The following SV2B variants were observed in gnomAD, a reference collection of about 807,000 sequenced individuals.
The protein encoded by SV2B is solute carrier family 22 member B2.
In SV2B, 41 loss-of-function variants were observed where a neutral mutation model predicts 73.9. That is an observed-to-expected ratio of 0.56 (90% CI 0.43 to 0.72). The LOEUF (loss-of-function observed/expected upper bound fraction) is 0.72. Among genes scored for constraint, SV2B ranks in the 30% least tolerant of loss-of-function variants. SV2B has a pLI of 0.00. For synonymous variants in SV2B, 314 were observed against 314.2 expected, an observed-to-expected ratio of 1.00 and a Z score of 0.01; for missense variants, 764 against 857.8, an observed-to-expected ratio of 0.89 and a Z score of 1.37.
intron 1 of SV2B, among the ~76,000 whole-genome samples, chr15:91,192,194 A>G (rs1353174423): frequency 6.6e-6 from 1 of 152,174 alleles, no homozygotes; most frequent in Non-Finnish European, 1.5e-5. Context: ...GCAGGAAGGA[A>G]TTTATTTTCT....
chr15:91,219,734 C>T (rs2046154403), intron 1 of SV2B, among the ~76,000 whole-genome samples: 1 of 152,110 alleles, frequency 6.6e-6, no homozygotes, highest in Non-Finnish European at 1.5e-5. Context: ...AGGACATTCC[C>T]ATCAACACCC....
intron 1 of SV2B, among the ~76,000 whole-genome samples, chr15:91,199,141 A>T (rs2045369317): frequency 6.6e-6 from 1 of 152,150 alleles, no homozygotes; most frequent in African/African-American, 2.4e-5. Flanking sequence ...ATGGGATTCT[A>T]GGTGTGTGCT....
Position 91,191,284 on chromosome 15 carries a change from T to C in SV2B, c.-391-34589T>C, listed in dbSNP as rs546176698. ...AAAAACTCCCTCTTTGATCAAACTTTGTACAGGCTCCTAGTAATCTTCTTC... is the reference window on the plus strand; with the variant it reads ...AAAAACTCCCTCTTTGATCAAACTTCGTACAGGCTCCTAGTAATCTTCTTC... On this transcript the variant is annotated intron_variant, in intron 1 of 12. Transcript: ENST00000394232. Among the ~76,000 whole-genome samples, 3 of 152,182 alleles carry C rather than the reference T, an allele frequency of 2.0e-5. No homozygotes were observed. In the East Asian group the frequency reaches 5.8e-4, roughly 29 times the overall value.
chr15:91,117,756 T>C (rs1424689977), intron 1 of SV2B, among the ~76,000 whole-genome samples: 1 of 152,208 alleles, frequency 6.6e-6, no homozygotes, highest in East Asian at 1.9e-4. Flanking sequence ...AAGTATACTC[T>C]TCTCACAGTA....
At chr15:91,156,425 C>T (rs549321489) in intron 1 of SV2B, among the ~76,000 whole-genome samples, 2 of 152,068 alleles carry the variant, frequency 1.3e-5, no homozygotes, top group Admixed American at 1.3e-4. Flanking sequence ...CTCAGCCAAC[C>T]GAAAACATTT....
chr15:91,274,365 T>G (rs2048414313), intron 9 of SV2B, among the ~76,000 whole-genome samples: 1 of 152,236 alleles, frequency 6.6e-6, no homozygotes, highest in African/African-American at 2.4e-5. Context: ...TTCTTTTCCT[T>G]AAAGGAAACT....
rs551179859 is a variant in SV2B at position 91,193,177 on chromosome 15, G to A, written c.-391-32696G>A. ...TCAGGGATTCAGGAGAGGTGAGCCT[G>A]AGATGGCAGCAAGACGTAAGGGAGC... On this transcript the variant is annotated intron_variant, in intron 1 of 12. Transcript: ENST00000394232. Among the ~76,000 whole-genome samples the A allele has an allele frequency of 3.3e-4, 51 of 152,316 alleles. 2 individuals carry two copies. Among genetic ancestry groups the A allele is most frequent in the Admixed American group, 2.7e-3 (41 of 15,300 alleles).
chr15:91,200,049 G>A (rs1431067256), intron 1 of SV2B, among the ~76,000 whole-genome samples: 3 of 152,188 alleles, frequency 2.0e-5, no homozygotes, highest in African/African-American at 7.2e-5. Flanking sequence ...TATAGCTAAG[G>A]TGCATTAAAT....
In SV2B at chr15:91,130,136, T is replaced by G. The variant is rs1006277221; in HGVS notation, c.-392+29773T>G. Among the ~76,000 whole-genome samples the G allele has an allele frequency of 2.0e-5, 3 of 152,076 alleles. No individual in the cohort carries two copies. The highest frequency in any genetic ancestry group is 4.4e-5 in the Non-Finnish European group (3 of 68,024). On this transcript the variant is annotated intron_variant, in intron 1 of 12. Coordinates refer to ENST00000394232, the MANE Select transcript of SV2B (RefSeq NM_001323032.3). This position sits in a 1 kb window ranked among gnomAD's most constrained non-coding sequence, Gnocchi z 5.6. ...TAGGAGAAAGGAAAGGAGAGATGGA[T>G]GAGATGATTCTTAATGCTGAGATGA...
At chr15:91,134,767 T>G (rs964857968) in intron 1 of SV2B, among the ~76,000 whole-genome samples, 1 of 152,124 alleles carries the variant, frequency 6.6e-6, no homozygotes, top group Non-Finnish European at 1.5e-5. Flanking sequence ...TCCTTTTCTT[T>G]AAAAAGCAAA....
intron 1 of SV2B, among the ~76,000 whole-genome samples, chr15:91,155,845 G>A (rs6416561): frequency 0.8 from 121,393 of 151,910 alleles, 48,645 homozygotes; most frequent in East Asian, 0.94. Context: ...GACCGTTAAG[G>A]TAGATAGTTG....
In SV2B at chr15:91,281,665, A is replaced by G. The variant is rs954543488; in HGVS notation, c.1374-63A>G. On this transcript the variant is annotated intron_variant, in intron 9 of 12. Transcript: ENST00000394232. This position sits in a 1 kb window ranked among gnomAD's most constrained non-coding sequence, Gnocchi z 4.7. ...CTTTTTCTGCCTTGCTGTGTTTTCC[A>G]TTTTGGTCTTAAGTCTCTTTTTTTC... 2.7e-6 allele frequency: 4 copies of G among 1,504,810 alleles called. No homozygotes were observed. Among genetic ancestry groups the G allele is most frequent in the African/African-American group, 1.4e-5 (1 of 70,364 alleles). 93.2% of individuals were successfully genotyped at this position (1,504,810 alleles called of 1,614,324 possible). A position where few individuals can be genotyped will look rare whatever the true frequency, so the allele number is the denominator to read the frequency against.
At position 91,297,278 on chromosome 15, in the gene SV2B, G is replaced by A. The variant is rs941031786; in HGVS notation, c.*4726G>A. On this transcript the variant is annotated 3_prime_UTR_variant, in exon 13 of 13. Coordinates refer to ENST00000394232, the MANE Select transcript of SV2B (RefSeq NM_001323032.3). The surrounding 1 kb of genome is among the most constrained non-coding windows in gnomAD (Gnocchi z 5.1). ...AGCAGAAGGAAGGGCAATGGGCAAA[G>A]GGGCTGTGCCTTGCAGCCGATCCAG... 1 of 152,296 alleles carries A rather than the reference G, an allele frequency of 6.6e-6. No individual in the cohort carries two copies. The highest frequency in any genetic ancestry group is 1.5e-5 in the Non-Finnish European group (1 of 68,102). 9.4% of individuals were successfully genotyped at this position (152,296 alleles called of 1,614,324 possible).
intron 2 of SV2B, among the ~76,000 whole-genome samples, chr15:91,250,504 C>T (rs1184208744): frequency 6.6e-6 from 1 of 152,170 alleles, no homozygotes; most frequent in African/African-American, 2.4e-5. Context: ...AAATAAAAGT[C>T]ATCCAAATCA....
rs149757992 is a variant in SV2B, at chr15:91,137,735, T to C, written c.-392+37372T>C. On this transcript the variant is annotated intron_variant, in intron 1 of 12. Coordinates refer to ENST00000394232, the MANE Select transcript of SV2B (RefSeq NM_001323032.3). The surrounding 1 kb of genome is among the most constrained non-coding windows in gnomAD (Gnocchi z 4.9). The stretch of plus-strand genomic sequence containing the variant: ...TATTAATTGTAGCCAACAGCATTAA[T>C]TCATCGGAACACATCAAATATGTTT... 1.8e-4 allele frequency among the ~76,000 whole-genome samples: 28 copies of C among 151,538 alleles called. No individual in the cohort carries two copies. The highest frequency in any genetic ancestry group is 6.5e-4 in the African/African-American group (27 of 41,354).
intron 9 of SV2B, among the ~76,000 whole-genome samples, chr15:91,275,756 G>A (rs1040422006): frequency 1.3e-5 from 2 of 152,130 alleles, no homozygotes; most frequent in Admixed American, 1.3e-4. Context: ...AACCTGGAAG[G>A]TGAAGGTTGC....
chr15:91,178,527 T>C (rs1422600946), intron 1 of SV2B, among the ~76,000 whole-genome samples: 1 of 152,198 alleles, frequency 6.6e-6, no homozygotes, highest in East Asian at 1.9e-4. Context: ...GGTCCTGGAC[T>C]CTTTTTGGTT....
intron 4 of SV2B, among the ~76,000 whole-genome samples, chr15:91,254,618 T>C (rs910257427): frequency 2.6e-5 from 4 of 152,274 alleles, no homozygotes; most frequent in Admixed American, 1.3e-4. Flanking sequence ...TGAATCCAAA[T>C]AGTGGTGCTG....
rs1313405258 is a variant in SV2B at position 91,290,720 on chromosome 15, TA to T, written c.1868+1047del. ...AACCATAAAGCTTTACTAAGAGATA[TA>T]AAAAAAGACACATAAGAGAAGATAA... On this transcript the variant is annotated intron_variant, in intron 12 of 12. Transcript: ENST00000394232. This position sits in a 1 kb window ranked among gnomAD's most constrained non-coding sequence, Gnocchi z 4.7. 6.6e-6 allele frequency among the ~76,000 whole-genome samples: 1 copy of T among 151,912 alleles called. No individual in the cohort carries two copies. The highest frequency in any genetic ancestry group is 2.4e-5 in the African/African-American group (1 of 41,352).
Sources: gnomAD v4.1 joint callset for allele counts (sites outside exome capture counted in the v4.1 genomes callset) on GRCh38, gnomAD v4.1.1 for gene constraint, Gnocchi (gnomAD v3.1) non-coding constraint, MANE v1.5 for transcripts, NCBI Gene and HGNC (gene_info 2026-07-23, HGNC 2026-07-21) for gene names.